The following MAML3 variants were observed in gnomAD, a reference collection of about 807,000 sequenced individuals.
The protein encoded by MAML3 is mastermind-like protein 3.
In MAML3, 27 loss-of-function variants were observed where a neutral mutation model predicts 101.9. The observed-to-expected ratio is 0.27, with a 90% confidence interval of 0.20 to 0.37. MAML3 has a LOEUF of 0.37. Among genes scored for constraint, MAML3 ranks in the 10% least tolerant of loss-of-function variants. The pLI is 1.00. For missense variants in MAML3, 1,316 were observed against 1,444.9 expected (o/e 0.91, Z 1.45); for synonymous variants, 501 against 555.9 (o/e 0.90, Z 1.39).
At chr4:139,837,914 G>A (rs972738264) in intron 2 of MAML3, among the ~76,000 whole-genome samples, 22 of 151,476 alleles carry the variant, frequency 1.5e-4, no homozygotes, top group African/African-American at 5.3e-4. Flanking sequence ...AGTGAGACTC[G>A]GTCTCAAAAA....
intron 1 of MAML3, among the ~76,000 whole-genome samples, chr4:140,032,719 A>G (rs1340749325): frequency 1.3e-5 from 2 of 152,132 alleles, no homozygotes; most frequent in Non-Finnish European, 2.9e-5. Context: ...TCATTCTGTC[A>G]ACGTCATTTC....
intron 1 of MAML3, among the ~76,000 whole-genome samples, chr4:139,914,061 A>G (rs553841009): frequency 1.7e-4 from 26 of 152,208 alleles, no homozygotes; most frequent in African/African-American, 6.3e-4. Context: ...CCTTCCTTCC[A>G]CAGCTCCTCG....
In MAML3 at chr4:140,153,423, AACGCGGGGGAG is replaced by A. The variant is rs1729214112; in HGVS notation, c.-107_-97del. On this transcript the variant is annotated 5_prime_UTR_variant, in exon 1 of 5. It introduces an in-frame stop codon into an upstream open reading frame of the 5' UTR. Transcript: ENST00000509479. Reference sequence around the variant, plus strand: ...CCAAGGATTAAAATAGTTTAAGTGGAACGCGGGGGAGACGCAAGCACATGGATGGAAACGGC... The same window carrying A: ...CCAAGGATTAAAATAGTTTAAGTGGAACGCAAGCACATGGATGGAAACGGC... 2 of 1,343,546 alleles carry A rather than the reference AACGCGGGGGAG, an allele frequency of 1.5e-6. No individual in the cohort carries two copies. The highest frequency in any genetic ancestry group is 1.9e-6 in the Non-Finnish European group (2 of 1,039,674). The allele number at this position is 1,343,546 out of a possible 1,614,324, so 83.2% of individuals were successfully genotyped here.
intron 1 of MAML3, among the ~76,000 whole-genome samples, chr4:140,016,039 C>G (rs1257470683): frequency 2.0e-5 from 3 of 151,870 alleles, no homozygotes; most frequent in African/African-American, 7.3e-5. Flanking sequence ...TGGAAAATCT[C>G]AAGAGATCTT....
In MAML3 at chr4:139,823,517, T is replaced by C. The variant is rs74844889; in HGVS notation, c.2079+65840A>G. Among the ~76,000 whole-genome samples the C allele has an allele frequency of 1.5e-3, 231 of 152,246 alleles. 1 individual carries two copies. The highest frequency in any genetic ancestry group is 5.1e-3 in the African/African-American group (211 of 41,544). On this transcript the variant is annotated intron_variant, in intron 2 of 4. Coordinates refer to ENST00000509479, the MANE Select transcript of MAML3 (RefSeq NM_018717.5). ...GCTTCTGTGTGTCTGCATGTGCGTG[T>C]TGGCATTCCTGGTCCTTGGTGTTTG...
chr4:140,133,151 A>G (rs1303377139), intron 1 of MAML3: 2 of 405,958 alleles, frequency 4.9e-6, no homozygotes, highest in Admixed American at 5.9e-5. Context: ...GACTAGGTTT[A>G]AATAAAAGCC....
chr4:140,141,239 C>T (rs1287422214), intron 1 of MAML3, among the ~76,000 whole-genome samples: 1 of 152,136 alleles, frequency 6.6e-6, no homozygotes, highest in African/African-American at 2.4e-5. Flanking sequence ...GTCTTCAGAC[C>T]ACTGCAGCAC....
intron 1 of MAML3, among the ~76,000 whole-genome samples, chr4:139,969,119 G>T (rs1256897008): frequency 6.6e-6 from 1 of 151,902 alleles, no homozygotes; most frequent in Non-Finnish European, 1.5e-5. Context: ...CAGGAACTCA[G>T]CACTGATCTT....
intron 1 of MAML3, among the ~76,000 whole-genome samples, chr4:140,129,729 G>A (rs1294147826): frequency 1.3e-5 from 2 of 152,148 alleles, no homozygotes; most frequent in African/African-American, 2.4e-5. Flanking sequence ...CACTTTGGGA[G>A]GCCGAGGCGG....
At chr4:139,789,594 T>C (rs866393890) in intron 2 of MAML3, among the ~76,000 whole-genome samples, 1 of 151,848 alleles carries the variant, frequency 6.6e-6, no homozygotes, top group Non-Finnish European at 1.5e-5. Flanking sequence ...CACTGCAGGG[T>C]TTTGAATGTC....
intron 2 of MAML3, among the ~76,000 whole-genome samples, chr4:139,798,389 T>G (rs1730553489): frequency 6.6e-6 from 1 of 152,202 alleles, no homozygotes; most frequent in East Asian, 1.9e-4. Context: ...GCCTTTCATC[T>G]CTGACATTCT....
intron 1 of MAML3, among the ~76,000 whole-genome samples, chr4:139,931,877 G>C (rs566986852): frequency 7.1e-4 from 108 of 152,058 alleles, no homozygotes; most frequent in African/African-American, 2.5e-3. Context: ...AAATTAGTTG[G>C]GCATGATGGC....
intron 1 of MAML3, among the ~76,000 whole-genome samples, chr4:140,125,679 A>G (rs1248158168): frequency 1.3e-5 from 2 of 152,082 alleles, no homozygotes; most frequent in Non-Finnish European, 2.9e-5. Flanking sequence ...GCTGGTCTCA[A>G]ACTCCTGACC....
intron 2 of MAML3, among the ~76,000 whole-genome samples, chr4:139,850,100 T>C (rs754205671): frequency 1.3e-5 from 2 of 152,144 alleles, no homozygotes; most frequent in African/African-American, 2.4e-5. Context: ...TTCAGTATAT[T>C]TCCCCCCCTA....
In MAML3 at chr4:139,852,403, G is replaced by GTTTTTTTTTTTGTTGTTGT. The variant is rs1731572633; in HGVS notation, c.2079+36953_2079+36954insACAACAACAAAAAAAAAAA. Among the ~76,000 whole-genome samples, 129 of 68,346 alleles carry GTTTTTTTTTTTGTTGTTGT rather than the reference G, an allele frequency of 1.9e-3. 4 individuals are homozygous for GTTTTTTTTTTTGTTGTTGT. The highest frequency in any genetic ancestry group is 7.8e-3 in the African/African-American group (118 of 15,056). 44.8% of individuals were successfully genotyped at this position (68,346 alleles called of 152,430 possible). ...AAAGCTCACCAAAATTCAGAAGACT[G>GTTTTTTTTTTTGTTGTTGT]TTTTTTTTTTTTTTTTTTTTTTTTT... On this transcript the variant is annotated intron_variant, in intron 2 of 4. Coordinates refer to ENST00000509479, the MANE Select transcript of MAML3 (RefSeq NM_018717.5).
intron 2 of MAML3, among the ~76,000 whole-genome samples, chr4:139,784,703 G>C (rs1730275628): frequency 6.6e-6 from 1 of 152,148 alleles, no homozygotes; most frequent in Non-Finnish European, 1.5e-5. Context: ...TCTTCTGAAG[G>C]ACCAATTAAA....
intron 2 of MAML3, among the ~76,000 whole-genome samples, chr4:139,738,946 T>C (rs1366970411): frequency 6.6e-6 from 1 of 152,198 alleles, no homozygotes; most frequent in Non-Finnish European, 1.5e-5. Flanking sequence ...GGTAGAAGCT[T>C]CTAACTTTCC....
chr4:139,947,877 G>A (rs1192185898), intron 1 of MAML3, among the ~76,000 whole-genome samples: 12 of 152,096 alleles, frequency 7.9e-5, no homozygotes, highest in South Asian at 2.1e-4. Context: ...TGGGGTGGGC[G>A]GATCACCTGA....
intron 2 of MAML3, among the ~76,000 whole-genome samples, chr4:139,793,616 G>T (rs1730460139): frequency 6.6e-6 from 1 of 152,194 alleles, no homozygotes; most frequent in African/African-American, 2.4e-5. Context: ...GCTTTTCCAA[G>T]CCTGGCTCTG....
Sources: allele counts gnomAD v4.1 joint callset (sites outside exome capture counted in the v4.1 genomes callset), GRCh38; gene constraint gnomAD v4.1.1; transcripts MANE v1.5; gene names NCBI Gene and HGNC (gene_info 2026-07-23, HGNC 2026-07-21).